The following STRN3 variants were observed in gnomAD, a reference collection of about 807,000 sequenced individuals.
STRN3 encodes the protein striatin-3.
In STRN3, 29 loss-of-function variants were observed where a neutral mutation model predicts 95.6. The observed-to-expected ratio is 0.30, with a 90% CI of 0.23 to 0.41. The LOEUF is 0.41. Among genes scored for constraint, STRN3 ranks in the 10% least tolerant of loss-of-function variants. STRN3 has a pLI of 1.00. For missense variants in STRN3, 890 were observed against 972.1 expected (o/e 0.92, Z 1.12); for synonymous variants, 331 against 357.6 (o/e 0.93, Z 0.84).
At chr14:30,985,064 C>A (rs1881612994) in intron 1 of STRN3, among the ~76,000 whole-genome samples, 1 of 151,916 alleles carries the variant, frequency 6.6e-6, no homozygotes, top group African/African-American at 2.4e-5. Context: ...CACCTGTAAT[C>A]CCAGCACTTT....
chr14:30,929,028 T>C (rs183468262), intron 8 of STRN3, among the ~76,000 whole-genome samples, 173 bp downstream of exon 8: 1 of 152,260 alleles, frequency 6.6e-6, no homozygotes, highest in African/African-American at 2.4e-5. Context: ...ACTTGATCAA[T>C]AACACATCCT....
chr14:30,995,185 AAAG>A (rs1324250823), intron 1 of STRN3, among the ~76,000 whole-genome samples: 2 of 152,266 alleles, frequency 1.3e-5, no homozygotes, highest in African/African-American at 2.4e-5. Flanking sequence ...ATCTTCCACG[AAAG>A]TTAAAAATAA....
At chr14:30,922,864 G>C (rs201976609) in intron 8 of STRN3, among the ~76,000 whole-genome samples, 4 of 99,876 alleles carry the variant, frequency 4.0e-5, no homozygotes, top group African/African-American at 1.4e-4. Flanking sequence ...GCACTGATTA[G>C]AGTATCAATC....
chr14:30,906,003 T>C (rs1048963459), intron 14 of STRN3, among the ~76,000 whole-genome samples: 1 of 152,224 alleles, frequency 6.6e-6, no homozygotes, highest in African/African-American at 2.4e-5. Flanking sequence ...ACAAGTCAGA[T>C]TTTTGGACTC....
chr14:30,928,615 C>T (rs774377418), intron 8 of STRN3, among the ~76,000 whole-genome samples: 2 of 152,032 alleles, frequency 1.3e-5, no homozygotes, highest in Non-Finnish European at 2.9e-5. Flanking sequence ...ATCCAGGCAC[C>T]AAGACACCCA....
chr14:30,929,809 T>C (rs1474880016), intron 7 of STRN3, among the ~76,000 whole-genome samples: 1 of 151,864 alleles, frequency 6.6e-6, no homozygotes, highest in Non-Finnish European at 1.5e-5. Context: ...TGGAGAGGCA[T>C]TCTAGTCCAA....
chr14:30,937,547 T>C (rs1242460347), intron 5 of STRN3, among the ~76,000 whole-genome samples: 2 of 152,266 alleles, frequency 1.3e-5, no homozygotes, highest in South Asian at 2.1e-4. Flanking sequence ...AGTTTCTCTA[T>C]GCACACACAA....
intron 8 of STRN3, among the ~76,000 whole-genome samples, chr14:30,926,309 A>C (rs1897026098): frequency 6.6e-6 from 1 of 152,074 alleles, no homozygotes; most frequent in African/African-American, 2.4e-5. Context: ...GGTTTAACTA[A>C]TGGAAGCTAA....
chr14:30,941,367 G>C (rs1181772895), intron 5 of STRN3, among the ~76,000 whole-genome samples: 1 of 152,060 alleles, frequency 6.6e-6, no homozygotes, highest in South Asian at 2.1e-4. Context: ...TCAATATCTT[G>C]CTTGTAAGGG....
At chr14:30,977,464 G>A (rs1322074195) in intron 1 of STRN3, among the ~76,000 whole-genome samples, 2 of 151,794 alleles carry the variant, frequency 1.3e-5, no homozygotes, top group African/African-American at 4.8e-5. Context: ...GGGGAAGAAA[G>A]AGGAAGAAAG....
chr14:30,909,973 C>G (rs895343689), intron 13 of STRN3, among the ~76,000 whole-genome samples: 1 of 152,232 alleles, frequency 6.6e-6, no homozygotes, highest in Admixed American at 6.5e-5. Flanking sequence ...TACCACCACT[C>G]TAATCTTGGC....
intron 13 of STRN3, among the ~76,000 whole-genome samples, chr14:30,908,654 G>C (rs945794575): frequency 6.6e-6 from 1 of 152,104 alleles, no homozygotes; most frequent in Non-Finnish European, 1.5e-5. Flanking sequence ...TTCTTCTTTA[G>C]TGTGCGCTTC....
chr14:30,939,361 A>G (rs900941968), intron 5 of STRN3, among the ~76,000 whole-genome samples: 1 of 152,196 alleles, frequency 6.6e-6, no homozygotes, highest in African/African-American at 2.4e-5. Context: ...GTAGGGTCAC[A>G]AACTTATAAG....
chr14:31,000,842 G>GAAA (rs35776301), intron 1 of STRN3, among the ~76,000 whole-genome samples: 1 of 146,922 alleles, frequency 6.8e-6, no homozygotes, highest in Non-Finnish European at 1.5e-5. Flanking sequence ...AGCCGATGAA[G>GAAA]AAAAAAAAAA....
chr14:31,023,545 A>G (rs1460559261), intron 1 of STRN3, among the ~76,000 whole-genome samples: 1 of 152,154 alleles, frequency 6.6e-6, no homozygotes, highest in East Asian at 1.9e-4. Flanking sequence ...TCTCTATTGA[A>G]ACTATTCAAT....
chr14:30,979,924 T>G (rs1312751344), intron 1 of STRN3, among the ~76,000 whole-genome samples: 1 of 152,008 alleles, frequency 6.6e-6, no homozygotes, highest in African/African-American at 2.4e-5. Context: ...TCATCTGAAT[T>G]TATTCAACAA....
chr14:31,025,827 G>A, intron 1 of STRN3, 77 bp downstream of exon 1: 1 of 1,534,686 alleles, frequency 6.5e-7, no homozygotes, highest in Non-Finnish European at 8.7e-7. Flanking sequence ...GGCTCCGGCT[G>A]AGTGGAGTCC....
chr14:30,958,664 G>A (rs1880036824), intron 1 of STRN3, among the ~76,000 whole-genome samples: 1 of 152,126 alleles, frequency 6.6e-6, no homozygotes, highest in Non-Finnish European at 1.5e-5. Context: ...AAAAGCTGAA[G>A]GAAACCTGTT....
rs1896351496 is a variant in STRN3 at position 30,902,528 on chromosome 14, T to C, written c.2137+8A>G. 1.3e-6 allele frequency: 2 copies of C among 1,547,874 alleles called. No individual in the cohort carries two copies. The highest frequency in any genetic ancestry group is 2.4e-5 in the South Asian group (2 of 84,296). ...ATTACTAATATGAAAAGAAGACAAT[T>C]TGCTTACCCGTTTTATTGTCAAAAA... is the stretch of plus-strand genomic sequence containing the variant. On this transcript the variant is annotated splice_region_variant and intron_variant, in intron 16 of 17. Transcript: ENST00000357479.
Sources: allele counts gnomAD v4.1 joint callset (sites outside exome capture counted in the v4.1 genomes callset), GRCh38; gene constraint gnomAD v4.1.1; transcripts MANE v1.5; gene names NCBI Gene and HGNC (gene_info 2026-07-23, HGNC 2026-07-21).